Variants in SH3GL2 observed in about 807,000 individuals in gnomAD.
SH3GL2 encodes SH3 domain containing GRB2 like 2, endophilin A1.
Under a neutral mutation model 46.0 loss-of-function variants are expected in SH3GL2, and 24 were observed. The ratio of observed to expected loss-of-function variants is 0.52; its 90% CI spans 0.38 to 0.73. The LOEUF is 0.73. SH3GL2 is among the 30% of genes least tolerant of loss of function. SH3GL2 has a pLI of 0.00. For synonymous variants in SH3GL2, 196 were observed against 147.1 expected (o/e 1.33, Z -2.40); for missense variants, 413 against 424.2 (o/e 0.97, Z 0.23).
chr9:17,723,814 C>T (rs1180704984), intron 1 of SH3GL2, among the ~76,000 whole-genome samples: 1 of 151,978 alleles, frequency 6.6e-6, no homozygotes, highest in Non-Finnish European at 1.5e-5. Flanking sequence ...TTGAATGTGT[C>T]ATCCTAGTGT....
intron 1 of SH3GL2, among the ~76,000 whole-genome samples, chr9:17,652,363 T>A (rs1819977332): frequency 6.6e-6 from 1 of 152,024 alleles, no homozygotes. Context: ...ATTTCAGATA[T>A]GTGCAGTCTC....
At chr9:17,611,263 A>G (rs1818859429) in intron 1 of SH3GL2, among the ~76,000 whole-genome samples, 1 of 152,204 alleles carries the variant, frequency 6.6e-6, no homozygotes, top group Non-Finnish European at 1.5e-5. Context: ...TCATGAAGTA[A>G]CTTCCAAGTT....
At chr9:17,774,422 G>C (rs1331803279) in intron 3 of SH3GL2, among the ~76,000 whole-genome samples, 1 of 151,896 alleles carries the variant, frequency 6.6e-6, no homozygotes, top group African/African-American at 2.4e-5. Flanking sequence ...TCATTGTGAG[G>C]TTTTCATATA....
chr9:17,698,213 G>A (rs376538673), intron 1 of SH3GL2, among the ~76,000 whole-genome samples: 1 of 152,276 alleles, frequency 6.6e-6, no homozygotes, highest in Non-Finnish European at 1.5e-5. Flanking sequence ...TGTCACTTTG[G>A]TCAACATCTT....
At chr9:17,782,589 C>T (rs191741584) in intron 3 of SH3GL2, among the ~76,000 whole-genome samples, 11 of 152,190 alleles carry the variant, frequency 7.2e-5, no homozygotes. Context: ...AGGCCTGGTG[C>T]CAAGGAGACC....
Position 17,625,652 on chromosome 9 carries a change from A to G in SH3GL2, c.45+46365A>G, listed in dbSNP as rs1022726338. Among the ~76,000 whole-genome samples the G allele has an allele frequency of 3.3e-5, 5 of 152,192 alleles. No individual in the cohort carries two copies. In the East Asian group the frequency reaches 9.7e-4, roughly 29 times the overall value. ...AGTAAGTGGCAGAACCAGAACTTCA[A>G]CTTGGCACTTCTGCCTCTTTGTGCT... On this transcript the variant is annotated intron_variant, in intron 1 of 8. Coordinates refer to ENST00000380607, the MANE Select transcript of SH3GL2 (RefSeq NM_003026.5).
intron 3 of SH3GL2, among the ~76,000 whole-genome samples, chr9:17,763,481 G>A (rs1372790895): frequency 6.6e-6 from 1 of 152,140 alleles, no homozygotes; most frequent in East Asian, 1.9e-4. Flanking sequence ...AGAAGGCCAC[G>A]TGAAGAATGA....
chr9:17,589,310 G>C (rs968786770), intron 1 of SH3GL2: 1 of 152,162 alleles, frequency 6.6e-6, no homozygotes, highest in African/African-American at 2.4e-5. Flanking sequence ...GACTATAGGC[G>C]TGTGCCGCTA....
chr9:17,610,237 C>CT (rs575063149), intron 1 of SH3GL2, among the ~76,000 whole-genome samples: 18 of 152,270 alleles, frequency 1.2e-4, no homozygotes, highest in African/African-American at 4.1e-4. Context: ...TGATAGCTTC[C>CT]TTTCTTTTCC....
At chr9:17,737,432 A>G (rs998358364) in intron 1 of SH3GL2, among the ~76,000 whole-genome samples, 1 of 152,162 alleles carries the variant, frequency 6.6e-6, no homozygotes, top group African/African-American at 2.4e-5. Flanking sequence ...AGTTCCTATT[A>G]TCTGATTCCT....
rs2134593859 is a variant in SH3GL2, at chr9:17,617,566, T to A, written c.45+38279T>A. ...CAACAAAAAAACTGCCAAAGATAAA[T>A]TTTCAGGCTCACTTGAGTATCACAT... On this transcript the variant is annotated intron_variant, in intron 1 of 8. Transcript: ENST00000380607. 1.3e-5 allele frequency among the ~76,000 whole-genome samples: 2 copies of A among 152,312 alleles called. 1 individual carries two copies. The highest frequency in any genetic ancestry group is 6.8e-3 in the Middle Eastern group (2 of 294).
chr9:17,751,971 G>A (rs2131137852), intron 2 of SH3GL2, among the ~76,000 whole-genome samples: 1 of 152,228 alleles, frequency 6.6e-6, no homozygotes, highest in African/African-American at 2.4e-5. Context: ...TTACATGTTT[G>A]CAATATATAG....
At chr9:17,598,415 G>A (rs990452611) in intron 1 of SH3GL2, among the ~76,000 whole-genome samples, 11 of 152,188 alleles carry the variant, frequency 7.2e-5, no homozygotes, top group Admixed American at 2.6e-4. Context: ...TCTTACCAAA[G>A]ATCATAACTC....
chr9:17,624,642 C>T (rs1437996637), intron 1 of SH3GL2, among the ~76,000 whole-genome samples: 1 of 152,224 alleles, frequency 6.6e-6, no homozygotes, highest in Non-Finnish European at 1.5e-5. Context: ...GGGGCCCCTT[C>T]AAGATGGCTC....
At chr9:17,690,541 A>T (rs1164143224) in intron 1 of SH3GL2, among the ~76,000 whole-genome samples, 1 of 152,022 alleles carries the variant, frequency 6.6e-6, no homozygotes, top group East Asian at 1.9e-4. Context: ...TTCTGCTCAA[A>T]AATTATGTTG....
At chr9:17,626,784 C>T (rs1261997356) in intron 1 of SH3GL2, among the ~76,000 whole-genome samples, 3 of 152,192 alleles carry the variant, frequency 2.0e-5, no homozygotes, top group Non-Finnish European at 1.5e-5. Context: ...AATATGTCTT[C>T]TTCACATTCC....
At chr9:17,719,108 G>A (rs1821830330) in intron 1 of SH3GL2, among the ~76,000 whole-genome samples, 1 of 152,108 alleles carries the variant, frequency 6.6e-6, no homozygotes, top group Non-Finnish European at 1.5e-5. Context: ...TAAGCTCACT[G>A]CATATAATTG....
At chr9:17,728,013 C>T (rs1822066589) in intron 1 of SH3GL2, among the ~76,000 whole-genome samples, 1 of 152,122 alleles carries the variant, frequency 6.6e-6, no homozygotes, top group Admixed American at 6.6e-5. Flanking sequence ...AGACAGGAAG[C>T]ATAAAAGGGG....
At chr9:17,627,345 T>C (rs76142357) in intron 1 of SH3GL2, among the ~76,000 whole-genome samples, 1 of 152,246 alleles carries the variant, frequency 6.6e-6, no homozygotes, top group East Asian at 1.9e-4. Flanking sequence ...TGGGGAATAA[T>C]GGCAGAGCTC....
Sources: allele counts gnomAD v4.1 joint callset (sites outside exome capture counted in the v4.1 genomes callset), GRCh38; gene constraint gnomAD v4.1.1; transcripts MANE v1.5; gene names NCBI Gene and HGNC (gene_info 2026-07-23, HGNC 2026-07-21).